ATAD1: variants seen among roughly 807,000 people sequenced by gnomAD.
ATAD1 encodes ATPase family AAA domain containing 1.
A neutral mutation model predicts 42.7 loss-of-function variants in ATAD1; 18 were observed. The ratio of observed to expected loss-of-function variants is 0.42; its 90% CI spans 0.29 to 0.63. The LOEUF is 0.63. ATAD1 is among the 20% of genes least tolerant of loss of function. The pLI, the probability that ATAD1 is intolerant of heterozygous loss-of-function variation, is 0.19. For missense variants in ATAD1, 294 were observed against 440.4 expected (o/e 0.67, Z 2.98); for synonymous variants, 132 against 143.1 (o/e 0.92, Z 0.55).
intron 1 of ATAD1, among the ~76,000 whole-genome samples, chr10:87,837,747 G>GA (rs1170570317): frequency 1.3e-5 from 2 of 152,128 alleles, no homozygotes; most frequent in South Asian, 2.1e-4. Flanking sequence ...GGACAGAGAA[G>GA]AAAAAATCAA....
intron 5 of ATAD1, among the ~76,000 whole-genome samples, chr10:87,781,432 T>A (rs1589498144): frequency 6.6e-6 from 1 of 152,210 alleles, no homozygotes; most frequent in Non-Finnish European, 1.5e-5. Context: ...ATTGCCTTTA[T>A]AATCTACTCA....
At chr10:87,802,642 C>G in intron 2 of ATAD1, among the ~76,000 whole-genome samples, 1 of 136,554 alleles carries the variant, frequency 7.3e-6, no homozygotes, top group African/African-American at 2.8e-5. Flanking sequence ...GACTATGTCA[C>G]GAAAAAAAAA....
chr10:87,840,193 A>G lies in ATAD1; in HGVS notation c.-14+994T>C, dbSNP rs1335950856. Among the ~76,000 whole-genome samples, 7 of 152,364 alleles carry G rather than the reference A, an allele frequency of 4.6e-5. No homozygotes were observed. In the East Asian group the frequency reaches 1.3e-3, roughly 29 times the overall value. ...ATTAAAAGAGAAATATTAGAAAATG[A>G]TAATTTCAGGCTGGATGCAGTGGCT... On this transcript the variant is annotated intron_variant, in intron 1 of 4. Coordinates refer to the ATAD1 transcript ENST00000495903.
intron 2 of ATAD1, among the ~76,000 whole-genome samples, chr10:87,808,032 T>G (rs565588006): frequency 2.0e-5 from 3 of 152,236 alleles, no homozygotes; most frequent in Non-Finnish European, 4.4e-5. Context: ...ATATTTTTGA[T>G]GCTACTATAT....
chr10:87,839,217 G>A (rs1857985265), intron 1 of ATAD1, among the ~76,000 whole-genome samples: 1 of 152,022 alleles, frequency 6.6e-6, no homozygotes, highest in African/African-American at 2.4e-5. Context: ...TTAATTTATT[G>A]CTTAATTGTT....
At chr10:87,778,245 T>A (rs1855404488) in intron 5 of ATAD1, among the ~76,000 whole-genome samples, 1 of 148,454 alleles carries the variant, frequency 6.7e-6, no homozygotes, top group Non-Finnish European at 1.5e-5. Context: ...GAGACCAGGC[T>A]GGGCAACATG....
chr10:87,756,755 G>A (rs377534142), intron 9 of ATAD1, 34 bp downstream of exon 9: 10 of 1,509,194 alleles, frequency 6.6e-6, no homozygotes, highest in Non-Finnish European at 8.9e-6. Flanking sequence ...AAAAGATTTT[G>A]ACAAGTGTTA....
In ATAD1 at chr10:87,789,652, G is replaced by A. The variant is rs191779010; in HGVS notation, c.382+658C>T. Among the ~76,000 whole-genome samples, 665 of 152,240 alleles carry A rather than the reference G, an allele frequency of 4.4e-3. 4 individuals carry two copies. The highest frequency in any genetic ancestry group is 7.0e-3 in the Non-Finnish European group (475 of 68,006). On this transcript the variant is annotated intron_variant, in intron 4 of 9. Coordinates refer to ENST00000680024, the MANE Select transcript of ATAD1 (RefSeq NM_001321967.2). The stretch of plus-strand genomic sequence containing the variant: ...TGGGAGGATCACTTGAGCCTGGGAG[G>A]CGGAAGTTGCAGTGAGCCAAGATCA...
chr10:87,829,064 ACAT>A (rs1857779773), intron 1 of ATAD1, among the ~76,000 whole-genome samples: 1 of 152,148 alleles, frequency 6.6e-6, no homozygotes, highest in Admixed American at 6.5e-5. Context: ...GCCTACTAAC[ACAT>A]CATCCATTCT....
intron 1 of ATAD1, among the ~76,000 whole-genome samples, chr10:87,838,321 G>T (rs1857964851): frequency 6.6e-6 from 1 of 152,104 alleles, no homozygotes; most frequent in African/African-American, 2.4e-5. Context: ...GAGGTCAGGA[G>T]TTCAAGACCA....
At position 87,752,185 on chromosome 10, in the gene ATAD1, T is replaced by C. The variant is rs2131738756; in HGVS notation, c.*2502A>G. On this transcript the variant is annotated 3_prime_UTR_variant, in exon 10 of 10. Coordinates refer to ENST00000680024, the MANE Select transcript of ATAD1 (RefSeq NM_001321967.2). ...TGATTCAAATACTTCATTTCTAAAC[T>C]CTACAAAAAAGGCCTGAGAATAGCT... The C allele has an allele frequency of 8.1e-6, 1 of 123,722 alleles. No individual in the cohort carries two copies. The highest frequency in any genetic ancestry group is 2.6e-4 in the East Asian group (1 of 3,834). 7.7% of individuals were successfully genotyped at this position (123,722 alleles called of 1,614,324 possible).
At chr10:87,773,519 A>C (rs1334369729) in intron 6 of ATAD1, among the ~76,000 whole-genome samples, 1 of 152,224 alleles carries the variant, frequency 6.6e-6, no homozygotes, top group South Asian at 2.1e-4. Context: ...CTCAAAATTA[A>C]TAATATCAAC....
intron 8 of ATAD1, among the ~76,000 whole-genome samples, chr10:87,758,235 A>T (rs867617147): frequency 2.7e-5 from 4 of 149,412 alleles, no homozygotes; most frequent in Admixed American, 2.0e-4. Context: ...GATATTATTA[A>T]CTTAGACTTT....
intron 1 of ATAD1, among the ~76,000 whole-genome samples, chr10:87,835,027 T>G (rs1342917040): frequency 6.6e-6 from 1 of 152,116 alleles, no homozygotes; most frequent in Non-Finnish European, 1.5e-5. Context: ...ACCCATGGAT[T>G]ACTTAGAAGT....
chr10:87,777,234 T>C (rs1401149718), intron 5 of ATAD1, among the ~76,000 whole-genome samples: 1 of 152,180 alleles, frequency 6.6e-6, no homozygotes, highest in East Asian at 1.9e-4. Flanking sequence ...TATGTGCTCT[T>C]AGTTATGTTG....
At chr10:87,767,843 A>G (rs904758395) in intron 7 of ATAD1, 120 bp from the exon 8 acceptor site, 181 of 951,946 alleles carry the variant, frequency 1.9e-4, no homozygotes, top group Non-Finnish European at 8.3e-5. Context: ...AGGAGATGAC[A>G]GAAACTTTGA....
chr10:87,806,429 T>C (rs1856928359), intron 2 of ATAD1, among the ~76,000 whole-genome samples: 1 of 152,138 alleles, frequency 6.6e-6, no homozygotes, highest in Admixed American at 6.5e-5. Context: ...TTTCAAGTCC[T>C]TCGGTGAGGC....
At chr10:87,796,550 A>G (rs1856397818) in intron 2 of ATAD1, among the ~76,000 whole-genome samples, 1 of 152,166 alleles carries the variant, frequency 6.6e-6, no homozygotes, top group South Asian at 2.1e-4. Flanking sequence ...TGTCTCCCTA[A>G]AATGTATAAA....
chr10:87,817,708 A>G (rs1446548245), intron 1 of ATAD1: 3 of 982,876 alleles, frequency 3.1e-6, no homozygotes, highest in East Asian at 1.1e-4. Context: ...TATTAACATC[A>G]CCATCTTTTG....
Sources: gnomAD v4.1 joint callset for allele counts (sites outside exome capture counted in the v4.1 genomes callset) on GRCh38, gnomAD v4.1.1 for gene constraint, MANE v1.5 for transcripts, NCBI Gene and HGNC (gene_info 2026-07-23, HGNC 2026-07-21) for gene names.